ADAM7: variants seen among roughly 807,000 people sequenced by gnomAD.
The protein encoded by ADAM7 is disintegrin and metalloproteinase domain-containing protein 7.
ADAM7 carries 97 observed loss-of-function variants against 102.9 expected under a neutral mutation model. That is an observed-to-expected ratio of 0.94 (90% CI 0.80 to 1.12). ADAM7 has a LOEUF of 1.12. Ranked by LOEUF, ADAM7 falls within the 50% of genes most tolerant of loss-of-function variation. The probability of loss-of-function intolerance (pLI) is 0.00; values close to 1 mark genes in which losing one functional copy is unlikely to be tolerated. For missense variants in ADAM7, 991 were observed against 908.7 expected, an observed-to-expected ratio of 1.09 and a Z score of -1.16; for synonymous variants, 334 against 304.4, an observed-to-expected ratio of 1.10 and a Z score of -1.01.
At chr8:24,493,312 A>T in intron 16 of ADAM7, 83 bp downstream of exon 16, 1 of 1,308,636 alleles carries the variant, frequency 7.6e-7, no homozygotes, top group Non-Finnish European at 1.0e-6. Context: ...TTGCTTCCAA[A>T]GAGGTCTAGA....
Position 24,500,175 on chromosome 8 carries a change from C to T in ADAM7, c.1924-3C>T. ...GAGAATATATCATTGACTGCTCTTC[C>T]AGGTGGATGGCCACGGACTCCAGTG... On this transcript the variant is annotated splice_region_variant and splice_polypyrimidine_tract_variant and intron_variant, in intron 17 of 21. Coordinates refer to ENST00000175238, the MANE Select transcript of ADAM7 (RefSeq NM_003817.4). 2 of 1,609,246 alleles carry T rather than the reference C, an allele frequency of 1.2e-6. No homozygotes were observed. Among genetic ancestry groups the T allele is most frequent in the Non-Finnish European group, 1.7e-6 (2 of 1,176,888 alleles).
intron 3 of ADAM7, among the ~76,000 whole-genome samples, chr8:24,453,881 C>G (rs972566117): frequency 6.6e-6 from 1 of 152,208 alleles, no homozygotes; most frequent in Non-Finnish European, 1.5e-5. Context: ...ACAGGACCCT[C>G]AGCTGCAGGT....
At position 24,466,788 on chromosome 8, in the gene ADAM7, A is replaced by C. The variant is rs775266459; in HGVS notation, c.390-11A>C. 3.1e-6 allele frequency: 5 copies of C among 1,606,894 alleles called. No homozygotes were observed. The South Asian group carries it at 4.5e-5, about 14-fold the overall frequency. On this transcript the variant is annotated splice_polypyrimidine_tract_variant and intron_variant, in intron 5 of 21. Coordinates refer to ENST00000175238, the MANE Select transcript of ADAM7 (RefSeq NM_003817.4). ...GGCCTTGAATACAAATTGTGTTCCCAATTTCTACAGGGGATTCTTCAGAAT... is the reference window on the plus strand; with the variant it reads ...GGCCTTGAATACAAATTGTGTTCCCCATTTCTACAGGGGATTCTTCAGAAT...
chr8:24,487,606 G>A (rs561690350), intron 11 of ADAM7, among the ~76,000 whole-genome samples: 1 of 149,536 alleles, frequency 6.7e-6, no homozygotes, highest in East Asian at 2.0e-4. Context: ...CTGCACTCTA[G>A]CCTGGGCAAC....
intron 7 of ADAM7, among the ~76,000 whole-genome samples, chr8:24,475,498 A>G (rs1032981552): frequency 6.6e-6 from 1 of 152,194 alleles, no homozygotes; most frequent in Admixed American, 6.5e-5. Context: ...ATATGTTCAC[A>G]ATGTATTTGA....
chr8:24,466,773 A>G (rs1488549440), intron 5 of ADAM7, 26 bp from the exon 6 acceptor site: 1 of 1,599,674 alleles, frequency 6.3e-7, no homozygotes, highest in Admixed American at 1.7e-5. Flanking sequence ...GGCCTTGAAT[A>G]CAAATTGTGT....
intron 10 of ADAM7, 106 bp from the exon 11 acceptor site, chr8:24,487,081 G>A: frequency 8.3e-7 from 1 of 1,201,444 alleles, no homozygotes; most frequent in Non-Finnish European, 1.1e-6. Flanking sequence ...ATAGATACCA[G>A]TTAACTAGGA....
At chr8:24,466,626 T>C (rs1360126989) in intron 5 of ADAM7, among the ~76,000 whole-genome samples, 173 bp from the exon 6 acceptor site, 1 of 152,162 alleles carries the variant, frequency 6.6e-6, no homozygotes, top group Non-Finnish European at 1.5e-5. Context: ...GAAAAAAGTA[T>C]TGATTCAGTC....
intron 20 of ADAM7, among the ~76,000 whole-genome samples, chr8:24,506,649 C>A (rs1820960127): frequency 6.6e-6 from 1 of 151,932 alleles, no homozygotes; most frequent in Non-Finnish European, 1.5e-5. Flanking sequence ...TCCCCTGGAA[C>A]CCTCAGTTAG....
chr8:24,480,549 A>G (rs192068045), intron 8 of ADAM7, among the ~76,000 whole-genome samples: 35 of 152,324 alleles, frequency 2.3e-4, no homozygotes, highest in Non-Finnish European at 4.9e-4. Flanking sequence ...AGAATTTAGC[A>G]GATAAAGCAT....
chr8:24,466,662 T>A, intron 5 of ADAM7, 137 bp from the exon 6 acceptor site: 1 of 683,668 alleles, frequency 1.5e-6, no homozygotes, highest in Non-Finnish European at 2.4e-6. Context: ...TCACATTTCC[T>A]TACCACTGAA....
chr8:24,441,203 G>A (rs1011980365), intron 1 of ADAM7, 43 bp downstream of exon 1: 2 of 1,560,550 alleles, frequency 1.3e-6, no homozygotes, highest in Non-Finnish European at 1.8e-6. Context: ...ATTATGCTGT[G>A]AGGTTGTGTC....
intron 7 of ADAM7, among the ~76,000 whole-genome samples, chr8:24,471,595 A>T (rs1819606353): frequency 6.6e-6 from 1 of 152,128 alleles, no homozygotes; most frequent in African/African-American, 2.4e-5. Flanking sequence ...GCAGCCTAGG[A>T]ACAATAGGCT....
At chr8:24,459,231 A>G (rs1819151811) in intron 3 of ADAM7, among the ~76,000 whole-genome samples, 1 of 151,892 alleles carries the variant, frequency 6.6e-6, no homozygotes, top group African/African-American at 2.4e-5. Flanking sequence ...ATCATGCATC[A>G]GTTTTAAATT....
intron 7 of ADAM7, among the ~76,000 whole-genome samples, chr8:24,474,582 T>A (rs1317229918): frequency 2.6e-5 from 4 of 152,030 alleles, no homozygotes; most frequent in Admixed American, 1.3e-4. Flanking sequence ...ATGATATATA[T>A]GATAGCCAAA....
Position 24,509,429 on chromosome 8 carries a change from T to C in ADAM7, c.*883T>C. On this transcript the variant is annotated 3_prime_UTR_variant, in exon 22 of 22. Transcript: ENST00000175238. Reference sequence around the variant, plus strand: ...ATGCCTCTCAAGGTGTTCTTTTGTGTCCTCTATTTTCTTCTTGTGAACTGT... The same window carrying C: ...ATGCCTCTCAAGGTGTTCTTTTGTGCCCTCTATTTTCTTCTTGTGAACTGT... 1 of 985,454 alleles carries C rather than the reference T, an allele frequency of 1.0e-6. No individual in the cohort carries two copies. The highest frequency in any genetic ancestry group is 1.2e-6 in the Non-Finnish European group (1 of 829,924). The allele number at this position is 985,454 out of a possible 1,614,324, so 61.0% of individuals were successfully genotyped here. A position where few individuals can be genotyped will look rare whatever the true frequency, so the allele number is the denominator to read the frequency against.
chr8:24,483,015 C>G (rs962842822), intron 9 of ADAM7, among the ~76,000 whole-genome samples: 1 of 152,060 alleles, frequency 6.6e-6, no homozygotes, highest in Non-Finnish European at 1.5e-5. Flanking sequence ...TGAACATTTC[C>G]CCTCATCAAA....
intron 7 of ADAM7, among the ~76,000 whole-genome samples, chr8:24,469,025 C>A (rs1032129689): frequency 8.5e-5 from 13 of 152,076 alleles, no homozygotes; most frequent in Non-Finnish European, 1.6e-4. Context: ...ACACCCCTCC[C>A]CATTAAGAAC....
At chr8:24,469,157 A>G (rs1278057264) in intron 7 of ADAM7, among the ~76,000 whole-genome samples, 1 of 152,198 alleles carries the variant, frequency 6.6e-6, no homozygotes, top group Non-Finnish European at 1.5e-5. Flanking sequence ...CTCTATCAGA[A>G]CAGTGAGTAA....
Sources: allele counts gnomAD v4.1 joint callset (sites outside exome capture counted in the v4.1 genomes callset), GRCh38; gene constraint gnomAD v4.1.1; transcripts MANE v1.5; gene names NCBI Gene and HGNC (gene_info 2026-07-23, HGNC 2026-07-21).